RAD51AP2: variants seen among roughly 807,000 people sequenced by gnomAD.
RAD51AP2 encodes the protein RAD51-associated protein 2.
RAD51AP2 carries 67 observed loss-of-function variants against 85.5 expected under a neutral mutation model. The observed-to-expected ratio is 0.78, with a 90% CI of 0.64 to 0.96. The LOEUF is 0.96. Among genes scored for constraint, RAD51AP2 ranks in the 40% least tolerant of loss-of-function variants. The pLI is 0.00. For missense variants in RAD51AP2, 1,307 were observed against 1,332.4 expected (o/e 0.98, Z 0.30); for synonymous variants, 474 against 446.5 (o/e 1.06, Z -0.78).
the RAD51AP2 span, among the ~76,000 whole-genome samples, chr2:17,537,794 G>A: frequency 1.3e-5 from 2 of 152,120 alleles, no homozygotes; most frequent in African/African-American, 4.8e-5. Flanking sequence ...TTGAATCTGG[G>A]AAGAAATAAG....
rs778035282 is a variant in RAD51AP2, at chr2:17,517,053, A to T, written c.1363T>A (p.Tyr455Asn). ...ACGAGAAGCTTTGATTGTTCTTCAT[A>T]TGCATTGATGACTTTTGCACAGTGG... ...DYHCAKVINA[Y>N]EEQSKLLVRE... The change falls in exon 1 of 3, where the codon TAT (tyrosine) becomes AAT (asparagine). Residue 455 changes from tyrosine (Y) to asparagine (N), a missense_variant. This residue lies in a region of RAD51AP2 where 635 missense variants were observed against 643.6 expected (regional missense o/e 0.99). Transcript: ENST00000399080. 7.4e-6 allele frequency: 12 copies of T among 1,611,514 alleles called. No homozygotes were observed. Among genetic ancestry groups the T allele is most frequent in the Non-Finnish European group, 1.0e-5 (12 of 1,179,256 alleles).
chr2:17,524,235 T>C, the RAD51AP2 span, among the ~76,000 whole-genome samples: 10 of 152,002 alleles, frequency 6.6e-5, no homozygotes, highest in Admixed American at 6.6e-4. Context: ...TGTTTTGTTG[T>C]TTTGTTGTTC....
rs778475125 is a variant in RAD51AP2 at position 17,516,171 on chromosome 2, T to C, written c.2245A>G (p.Ile749Val). Residue 749 changes from isoleucine (I) to valine (V), a missense_variant, in exon 1 of 3, where the codon ATT (isoleucine) becomes GTT (valine). This residue lies in a region of RAD51AP2 where 668 missense variants were observed against 671.0 expected (regional missense o/e 1.00). Coordinates refer to ENST00000399080, the MANE Select transcript of RAD51AP2 (RefSeq NM_001099218.3). ...TTTACTTCATAAAAATTTTCATTAA[T>C]GTATCCTCGGTTGTTCTGTATAAAT... ...PQFIQNNRGY[I>V]NENFYEVNMH... is the part of the protein sequence containing the mutation. 26 of 1,613,330 alleles carry C rather than the reference T, an allele frequency of 1.6e-5. No individual in the cohort carries two copies. Among genetic ancestry groups the C allele is most frequent in the Non-Finnish European group, 2.0e-5 (24 of 1,179,652 alleles).
At chr2:17,536,247 A>G in the RAD51AP2 span, among the ~76,000 whole-genome samples, 1 of 152,214 alleles carries the variant, frequency 6.6e-6, no homozygotes, top group Non-Finnish European at 1.5e-5. Flanking sequence ...ATGATTTCCA[A>G]CTACCGAGGT....
chr2:17,516,534 A>T lies in RAD51AP2; in HGVS notation c.1882T>A (p.Tyr628Asn). The T allele has an allele frequency of 6.4e-7, 1 of 1,554,952 alleles. No individual in the cohort carries two copies. The highest frequency in any genetic ancestry group is 1.2e-5 in the South Asian group (1 of 85,554). The change falls in exon 1 of 3, where the codon TAT (tyrosine) becomes AAT (asparagine). Residue 628 changes from tyrosine to asparagine, a missense_variant. Tyr to Asn is a moderately radical substitution (Grantham distance 143, BLOSUM62 -2). This residue lies in a region of RAD51AP2 where 668 missense variants were observed against 671.0 expected (regional missense o/e 1.00). Transcript: ENST00000399080. ...PKNIVENHTA[Y>N]LVKILTSSRL... ...GAAGAAGTTAAAATCTTTACTAGAT[A>T]TGCAGTATGATTTTCCACTATATTT... is the stretch of plus-strand genomic sequence containing the variant.
chr2:17,514,164 A>G (rs957760121), intron 1 of RAD51AP2, 72 bp from the exon 2 acceptor site: 51 of 864,542 alleles, frequency 5.9e-5, no homozygotes, highest in East Asian at 2.1e-4. Context: ...TAAACAAATT[A>G]TATTTTCAGA....
chr2:17,511,574 T>A (rs576314155), intron 2 of RAD51AP2, among the ~76,000 whole-genome samples: 8 of 147,120 alleles, frequency 5.4e-5, no homozygotes, highest in Non-Finnish European at 8.8e-5. Flanking sequence ...CAGGGTTTTT[T>A]AAATAAACTG....
At chr2:17,526,172 T>A in the RAD51AP2 span, among the ~76,000 whole-genome samples, 327 of 152,086 alleles carry the variant, frequency 2.2e-3, 1 homozygote, top group African/African-American at 7.6e-3. Context: ...GTATTTTTTT[T>A]AAAAAGTAAA....
rs963116170 is a variant in RAD51AP2 at position 17,516,290 on chromosome 2, T to C, written c.2126A>G (p.Gln709Arg). The part of the protein sequence containing the change: ...EISLIREITC[Q>R]NMSCPQQVVN... ...AACTTGTTGAGGACAACTCATATTC[T>C]GACAAGTAATTTCTCTTATTAAAGA... Residue 709 changes from glutamine to arginine, a missense_variant, in exon 1 of 3, where the codon CAG (glutamine) becomes CGG (arginine). Around this residue, in one of 3 missense-constraint regions of RAD51AP2, gnomAD observed 668 missense variants for 671.0 expected, o/e 1.00. Transcript: ENST00000399080. 54 of 1,609,188 alleles carry C rather than the reference T, an allele frequency of 3.4e-5. No individual in the cohort carries two copies. In the Admixed American group the frequency reaches 3.9e-4, roughly 12 times the overall value.
Position 17,518,127 on chromosome 2 carries a change from T to G in RAD51AP2, c.289A>C (p.Lys97Gln), listed in dbSNP as rs760437962. 3 of 1,614,194 alleles carry G rather than the reference T, an allele frequency of 1.9e-6. No individual in the cohort carries two copies. The highest frequency in any genetic ancestry group is 2.5e-6 in the Non-Finnish European group (3 of 1,180,018). ...DSCVEKSVSG[K>Q]QICNLKCSNL... ...GAGCATTTCAGATTACATATCTGCT[T>G]CCCACTGACTGATTTCTCCACACAC... Residue 97 changes from lysine to glutamine, a missense_variant, in exon 1 of 3, where the codon AAG (lysine) becomes CAG (glutamine). Physicochemically the swap from Lys to Gln is moderately conservative, Grantham distance 53. Around this residue, in one of 3 missense-constraint regions of RAD51AP2, gnomAD observed 635 missense variants for 643.6 expected, o/e 0.99. Transcript: ENST00000399080.
In RAD51AP2 at chr2:17,510,673, T is replaced by C; in HGVS notation, c.*131A>G. On this transcript the variant is annotated 3_prime_UTR_variant, in exon 3 of 3. Transcript: ENST00000399080. Reference sequence around the variant, plus strand: ...ATAACTTTGAAAGGTAATACCATAATTTATACACTCAAAAAAAAAAACTTC... The same window carrying C: ...ATAACTTTGAAAGGTAATACCATAACTTATACACTCAAAAAAAAAAACTTC... The C allele has an allele frequency of 6.1e-6, 3 of 491,354 alleles. No homozygotes were observed. Among genetic ancestry groups the C allele is most frequent in the Non-Finnish European group, 1.0e-5 (3 of 289,952 alleles). The allele number at this position is 491,354 out of a possible 1,614,324, so 30.4% of individuals were successfully genotyped here. A position where few individuals can be genotyped will look rare whatever the true frequency, so the allele number is the denominator to read the frequency against.
chr2:17,516,897 C>A lies in RAD51AP2; in HGVS notation c.1519G>T (p.Glu507Ter), dbSNP rs1662694829. The change falls in exon 1 of 3, where the codon GAA becomes TAA. Residue 507 changes from glutamate (E) to a stop codon, truncating the protein, a stop_gained. Coordinates refer to ENST00000399080, the MANE Select transcript of RAD51AP2 (RefSeq NM_001099218.3). LOFTEE classifies it high-confidence loss of function. ...TAAAAAATTTCTATAATGAAACTTT[C>A]AAAAGGGTTGTTCACATGAAAGACT... ...QKVFHVNNPF[E>*]SFIIEIFYFH... 1 of 1,583,028 alleles carries A rather than the reference C, an allele frequency of 6.3e-7. No homozygotes were observed. The highest frequency in any genetic ancestry group is 1.2e-5 in the South Asian group (1 of 85,328).
chr2:17,513,930 T>C (rs1662570234), intron 2 of RAD51AP2, 82 bp downstream of exon 2: 1 of 747,880 alleles, frequency 1.3e-6, no homozygotes, highest in Non-Finnish European at 2.3e-6. Context: ...ACAACATGAA[T>C]ATCTATACTT....
At chr2:17,523,054 G>T (rs139680661), upstream of RAD51AP2, among the ~76,000 whole-genome samples, 462 of 151,960 alleles carry the variant, frequency 3.0e-3, 1 homozygote, top group Non-Finnish European at 5.6e-3. Flanking sequence ...ATTCCTTGAT[G>T]TGTAATATGA....
chr2:17,518,454 G>A (rs921702708), upstream of RAD51AP2: 6 of 1,580,892 alleles, frequency 3.8e-6, no homozygotes, highest in African/African-American at 6.8e-5. Context: ...TCCCGGCGGG[G>A]CTCCAATCCC....
Position 17,516,786 on chromosome 2 carries a change from T to C in RAD51AP2, c.1630A>G (p.Ile544Val). ...NILKCKKQIGIIGIQNLITRN... is the reference protein window; with the variant it reads ...NILKCKKQIGVIGIQNLITRN... ...GTTATTAGATTTTGAATACCAATTA[T>C]ACCAATTTGCTTTTTACACTTCAAA... Residue 544 changes from isoleucine to valine, a missense_variant, in exon 1 of 3, where the codon ATA becomes GTA. Physicochemically the swap from Ile to Val is conservative, Grantham distance 29. Transcript: ENST00000399080. 2 of 1,555,080 alleles carry C rather than the reference T, an allele frequency of 1.3e-6. No homozygotes were observed. The highest frequency in any genetic ancestry group is 1.7e-4 in the Middle Eastern group (1 of 5,732).
At chr2:17,521,842 C>T (rs1325417582), upstream of RAD51AP2, among the ~76,000 whole-genome samples, 1 of 151,956 alleles carries the variant, frequency 6.6e-6, no homozygotes, top group African/African-American at 2.4e-5. Context: ...TAAACTAAAA[C>T]TCTTATATTA....
At position 17,517,235 on chromosome 2, in the gene RAD51AP2, T is replaced by G; in HGVS notation, c.1181A>C (p.Asn394Thr). Residue 394 changes from asparagine to threonine, a missense_variant, in exon 1 of 3, where the codon AAC becomes ACC. By Grantham distance (65) the Asn-to-Thr change is moderately conservative. Transcript: ENST00000399080. ...AATATGTCTAACGTTACAGTCCCAG[T>G]TTTGAGATTTTTCCAGCCTGGTAAG... ...YVLTRLEKSQ[N>T]WDCNVRHILR... 6.2e-7 allele frequency: 1 copy of G among 1,613,952 alleles called. No homozygotes were observed. The highest frequency in any genetic ancestry group is 8.5e-7 in the Non-Finnish European group (1 of 1,179,944).
chr2:17,515,033 T>C, intron 1 of RAD51AP2, 136 bp downstream of exon 1: 1 of 641,286 alleles, frequency 1.6e-6, no homozygotes, highest in Non-Finnish European at 2.5e-6. Context: ...AAGAAAATAG[T>C]GTGCATCAAT....
Sources: allele counts gnomAD v4.1 joint callset (sites outside exome capture counted in the v4.1 genomes callset), GRCh38; gene constraint gnomAD v4.1.1; regional missense constraint gnomAD v4.1.1; transcripts MANE v1.5; gene names NCBI Gene and HGNC (gene_info 2026-07-23, HGNC 2026-07-21).